The following KCNIP1 variants were observed in gnomAD, a reference collection of about 807,000 sequenced individuals.
The protein encoded by KCNIP1 is A-type potassium channel modulatory protein KCNIP1.
KCNIP1 carries 18 observed loss-of-function variants against 33.0 expected under a neutral mutation model. The observed-to-expected ratio is 0.55, with a 90% CI of 0.38 to 0.81. The LOEUF is 0.81. Among genes scored for constraint, KCNIP1 ranks in the 30% least tolerant of loss-of-function variants. KCNIP1 has a pLI of 0.00. For missense variants in KCNIP1, 238 were observed against 271.6 expected, an observed-to-expected ratio of 0.88 and a Z score of 0.87; for synonymous variants, 93 against 98.3, an observed-to-expected ratio of 0.95 and a Z score of 0.32.
At chr5:170,667,397 G>T (rs190984076) in intron 1 of KCNIP1, among the ~76,000 whole-genome samples, 1 of 152,172 alleles carries the variant, frequency 6.6e-6, no homozygotes, top group Non-Finnish European at 1.5e-5. Context: ...AATGATAGAA[G>T]TTCAGGCATA....
Position 170,528,666 on chromosome 5 carries a change from C to T in KCNIP1, c.61+24033C>T, listed in dbSNP as rs553226295. Among the ~76,000 whole-genome samples, 5 of 152,292 alleles carry T rather than the reference C, an allele frequency of 3.3e-5. No individual in the cohort carries two copies. The South Asian group carries it at 6.2e-4, about 19-fold the overall frequency. On this transcript the variant is annotated intron_variant, in intron 1 of 7. Transcript: ENST00000328939. ...AATAGTGCCCTTTACTCCCCACCCCCGTCTCTCTGTTCATAGACAGGAAAT... is the reference window on the plus strand; with the variant it reads ...AATAGTGCCCTTTACTCCCCACCCCTGTCTCTCTGTTCATAGACAGGAAAT...
chr5:170,450,655 G>A (rs1466468285), intron 1 of KCNIP1, among the ~76,000 whole-genome samples: 2 of 152,172 alleles, frequency 1.3e-5, no homozygotes, highest in African/African-American at 4.8e-5. Flanking sequence ...CACATCTCAA[G>A]AATTAAAGAT....
chr5:170,588,895 C>T (rs894864841), intron 1 of KCNIP1, among the ~76,000 whole-genome samples: 2 of 152,064 alleles, frequency 1.3e-5, no homozygotes, highest in African/African-American at 2.4e-5. Flanking sequence ...CAAGTCGCTT[C>T]CCCTCTCTGA....
chr5:170,594,172 AG>A (rs1482135478), intron 1 of KCNIP1, among the ~76,000 whole-genome samples: 1 of 152,190 alleles, frequency 6.6e-6, no homozygotes, highest in Non-Finnish European at 1.5e-5. Flanking sequence ...AATACCCAGT[AG>A]GGTATGAAGC....
At chr5:170,357,515 A>G (rs1212268840) in intron 1 of KCNIP1, among the ~76,000 whole-genome samples, 1 of 152,166 alleles carries the variant, frequency 6.6e-6, no homozygotes, top group African/African-American at 2.4e-5. Flanking sequence ...TGGCCTTGTC[A>G]GTTACTGCAT....
intron 1 of KCNIP1, among the ~76,000 whole-genome samples, chr5:170,367,401 GAAAGA>G (rs1356886603): frequency 8.3e-6 from 1 of 121,064 alleles, no homozygotes; most frequent in Non-Finnish European, 1.7e-5. Flanking sequence ...AAGAAAGAAA[GAAAGA>G]AAGAAAGAAA....
chr5:170,676,063 A>C (rs561984941), intron 1 of KCNIP1, among the ~76,000 whole-genome samples: 263 of 140,380 alleles, frequency 1.9e-3, no homozygotes, highest in Non-Finnish European at 3.2e-3. Flanking sequence ...GGAGGGAGGA[A>C]GATGAAAGAA....
intron 1 of KCNIP1, chr5:170,378,625 T>G (rs2656841): frequency 0.3 from 429,844 of 1,428,758 alleles, 68,006 homozygotes; most frequent in African/African-American, 0.47. Flanking sequence ...GAAGGCATTG[T>G]GCTGCAAGTG....
chr5:170,523,265 G>C (rs1025987804), intron 1 of KCNIP1, among the ~76,000 whole-genome samples: 3 of 152,238 alleles, frequency 2.0e-5, no homozygotes, highest in Non-Finnish European at 4.4e-5. Flanking sequence ...GATCTTGCGT[G>C]CTGCAGAGAG....
chr5:170,502,606 AC>A, upstream of KCNIP1, among the ~76,000 whole-genome samples: 1 of 152,284 alleles, frequency 6.6e-6, no homozygotes, highest in Admixed American at 6.5e-5. Flanking sequence ...GTCTGTGTGT[AC>A]AATAGCAATG....
At chr5:170,404,952 C>A (rs915119674) in intron 1 of KCNIP1, among the ~76,000 whole-genome samples, 4 of 152,142 alleles carry the variant, frequency 2.6e-5, no homozygotes, top group African/African-American at 9.7e-5. Context: ...AATTATTAAA[C>A]ATAAAGATGA....
At chr5:170,561,922 A>G (rs1023903126) in intron 1 of KCNIP1, among the ~76,000 whole-genome samples, 2 of 152,158 alleles carry the variant, frequency 1.3e-5, no homozygotes, top group African/African-American at 2.4e-5. Context: ...CGCATTTAGT[A>G]CCCCCAGTTA....
intron 1 of KCNIP1, chr5:170,483,083 GC>G (rs969616030): frequency 1.4e-4 from 63 of 454,434 alleles, no homozygotes; most frequent in African/African-American, 8.2e-4. Context: ...TGGAACTGGG[GC>G]CCGCAGAGCC....
At chr5:170,625,241 C>T (rs1345082443) in intron 1 of KCNIP1, among the ~76,000 whole-genome samples, 2 of 152,116 alleles carry the variant, frequency 1.3e-5, no homozygotes, top group Admixed American at 1.3e-4. Context: ...ACAGGGCACA[C>T]GTGTGCACAC....
intron 1 of KCNIP1, among the ~76,000 whole-genome samples, chr5:170,421,123 G>T (rs1393566130): frequency 6.6e-6 from 1 of 152,162 alleles, no homozygotes; most frequent in Admixed American, 6.5e-5. Context: ...GGGGTTGGAG[G>T]GGGTGTTGTT....
rs569842812 is a variant in KCNIP1, at chr5:170,674,510, G to A, written c.62-44248G>A. ...TCCCTGCCGGGAGGCATCGACTCCC[G>A]TTCTCCAGCCTGTTTTAAGCAGACA... On this transcript the variant is annotated intron_variant, in intron 1 of 7. Coordinates refer to ENST00000328939, the MANE Select transcript of KCNIP1 (RefSeq NM_014592.4). Among the ~76,000 whole-genome samples the A allele has an allele frequency of 6.5e-4, 99 of 152,244 alleles. 1 individual carries two copies. Among genetic ancestry groups the A allele is most frequent in the South Asian group, 3.5e-3 (17 of 4,822 alleles).
intron 1 of KCNIP1, among the ~76,000 whole-genome samples, chr5:170,414,065 C>T (rs1403559311): frequency 2.0e-5 from 3 of 152,136 alleles, no homozygotes; most frequent in Non-Finnish European, 4.4e-5. Flanking sequence ...GTGTCAGGAG[C>T]CCTGCCTTAG....
At chr5:170,400,881 T>C (rs1160747121) in intron 1 of KCNIP1, among the ~76,000 whole-genome samples, 2 of 152,274 alleles carry the variant, frequency 1.3e-5, no homozygotes, top group Non-Finnish European at 2.9e-5. Context: ...CCTATGGCTG[T>C]TGAGCACTTA....
intron 1 of KCNIP1, among the ~76,000 whole-genome samples, chr5:170,565,539 C>A (rs62394287): frequency 6.6e-6 from 1 of 152,072 alleles, no homozygotes; most frequent in Non-Finnish European, 1.5e-5. Flanking sequence ...CTATTTATTA[C>A]CCAAAAAAAT....
Sources: allele counts gnomAD v4.1 joint callset (sites outside exome capture counted in the v4.1 genomes callset), GRCh38; gene constraint gnomAD v4.1.1; transcripts MANE v1.5; gene names NCBI Gene and HGNC (gene_info 2026-07-23, HGNC 2026-07-21).